Variants in HFM1 observed in about 807,000 individuals in gnomAD.
The protein encoded by HFM1 is probable ATP-dependent DNA helicase HFM1.
Under a neutral mutation model 192.1 loss-of-function variants are expected in HFM1, and 169 were observed. That is an observed-to-expected ratio of 0.88 (90% confidence interval 0.78 to 1.00). The LOEUF is 1.00. HFM1 is among the 50% of genes least tolerant of loss of function. HFM1 has a pLI of 0.00. For synonymous variants in HFM1, 525 were observed against 537.8 expected (o/e 0.98, Z 0.33); for missense variants, 1,661 against 1,668.0 (o/e 1.00, Z 0.07).
In HFM1 at chr1:91,296,513, T is replaced by A. The variant is rs1025065065; in HGVS notation, c.3391+16836A>T. 2.4e-4 allele frequency among the ~76,000 whole-genome samples: 36 copies of A among 152,088 alleles called. 1 individual carries two copies. Among genetic ancestry groups the A allele is most frequent in the African/African-American group, 8.7e-4 (36 of 41,396 alleles). On this transcript the variant is annotated intron_variant, in intron 30 of 38. Coordinates refer to ENST00000370425, the MANE Select transcript of HFM1 (RefSeq NM_001017975.6). The stretch of plus-strand genomic sequence containing the variant: ...ACTACCCTGTCCTTTTGAATTTTCA[T>A]ATGAATTTTATAATTAGCTGGTTAT...
Position 91,373,442 on chromosome 1 carries a change from A to G in HFM1, c.1685+1916T>C, listed in dbSNP as rs144321052. The stretch of plus-strand genomic sequence containing the variant: ...ATAAGTTAATGTTCATTACATAGTA[A>G]TCATGTGCTAGCACTCTGCTGAGAC... On this transcript the variant is annotated intron_variant, in intron 13 of 38. Coordinates refer to ENST00000370425, the MANE Select transcript of HFM1 (RefSeq NM_001017975.6). Among the ~76,000 whole-genome samples the G allele has an allele frequency of 4.3e-3, 658 of 152,222 alleles. 3 individuals carry two copies. Among genetic ancestry groups the G allele is most frequent in the African/African-American group, 0.015 (617 of 41,540 alleles).
intron 30 of HFM1, among the ~76,000 whole-genome samples, chr1:91,279,761 G>A (rs111466822): frequency 9.3e-4 from 141 of 152,224 alleles, no homozygotes; most frequent in Non-Finnish European, 1.5e-3. Context: ...TGGCACCTCT[G>A]GGTTGGAGGT....
intron 1 of HFM1, among the ~76,000 whole-genome samples, chr1:91,402,204 T>C (rs569453932): frequency 2.0e-5 from 3 of 152,264 alleles, no homozygotes; most frequent in Admixed American, 6.5e-5. Context: ...CTCTCCAATT[T>C]TGAATCCTCC....
intron 11 of HFM1, among the ~76,000 whole-genome samples, chr1:91,376,925 A>G (rs1660974162): frequency 6.6e-6 from 1 of 151,822 alleles, no homozygotes; most frequent in Non-Finnish European, 1.5e-5. Flanking sequence ...CATCCTAAGG[A>G]AATAATCATG....
chr1:91,373,287 A>T (rs1169254785), intron 13 of HFM1, among the ~76,000 whole-genome samples: 1 of 152,062 alleles, frequency 6.6e-6, no homozygotes, highest in Non-Finnish European at 1.5e-5. Flanking sequence ...AAGCGGAGAG[A>T]AGTATATTCC....
intron 13 of HFM1, among the ~76,000 whole-genome samples, chr1:91,370,407 TC>T (rs1420050144): frequency 2.0e-5 from 3 of 152,216 alleles, no homozygotes; most frequent in African/African-American, 7.2e-5. Context: ...CAAGTGGGCT[TC>T]ATCCCTGGGA....
At chr1:91,272,832 G>A (rs1666445309) in intron 34 of HFM1, among the ~76,000 whole-genome samples, 1 of 151,280 alleles carries the variant, frequency 6.6e-6, no homozygotes, top group Non-Finnish European at 1.5e-5. Flanking sequence ...CTTAAATTAT[G>A]ACTAGAGGAA....
chr1:91,333,895 A>C (rs566587815), intron 20 of HFM1, among the ~76,000 whole-genome samples: 2 of 152,340 alleles, frequency 1.3e-5, no homozygotes, highest in Non-Finnish European at 2.9e-5. Flanking sequence ...CTACATGCTA[A>C]GTACCTAGAC....
intron 30 of HFM1, among the ~76,000 whole-genome samples, chr1:91,297,974 A>G (rs927479758): frequency 6.6e-6 from 1 of 152,210 alleles, no homozygotes; most frequent in Non-Finnish European, 1.5e-5. Flanking sequence ...AAGGCTTCAG[A>G]TGATCCAACT....
intron 20 of HFM1, among the ~76,000 whole-genome samples, chr1:91,335,658 G>T (rs953633071): frequency 5.9e-5 from 9 of 152,112 alleles, no homozygotes; most frequent in African/African-American, 2.2e-4. Context: ...AGGAAATTCA[G>T]GATATTTCAA....
intron 28 of HFM1, among the ~76,000 whole-genome samples, 161 bp from the exon 29 acceptor site, chr1:91,314,221 T>C (rs1650882464): frequency 6.6e-6 from 1 of 152,198 alleles, no homozygotes. Context: ...GAATAAAGTA[T>C]CAATGGAACT....
intron 30 of HFM1, among the ~76,000 whole-genome samples, chr1:91,309,355 G>A (rs929059453): frequency 6.6e-6 from 1 of 152,166 alleles, no homozygotes; most frequent in Non-Finnish European, 1.5e-5. Context: ...TTTAGTTACA[G>A]AGCCATGTAA....
chr1:91,381,059 T>C (rs1571186329), intron 6 of HFM1, 77 bp from the exon 7 acceptor site: 5 of 699,736 alleles, frequency 7.1e-6, no homozygotes, highest in South Asian at 4.9e-5. Flanking sequence ...TAAGTTACAT[T>C]AATATAGATT....
At chr1:91,378,331 A>G in intron 10 of HFM1, 72 bp downstream of exon 10, 1 of 1,345,538 alleles carries the variant, frequency 7.4e-7, no homozygotes, top group South Asian at 1.3e-5. Context: ...TTTGGTTGCA[A>G]TGTCTTTTTT....
intron 13 of HFM1, among the ~76,000 whole-genome samples, chr1:91,364,619 TA>T (rs1658994312): frequency 3.1e-5 from 1 of 31,796 alleles, no homozygotes; most frequent in Non-Finnish European, 7.0e-5. Context: ...TATATATATA[TA>T]TATATATATA....
At chr1:91,345,159 T>C (rs971283094) in intron 19 of HFM1, among the ~76,000 whole-genome samples, 4 of 152,128 alleles carry the variant, frequency 2.6e-5, no homozygotes, top group African/African-American at 9.7e-5. Flanking sequence ...AACAACAACA[T>C]CATAGAATCA....
chr1:91,286,933 G>A (rs1301921025), intron 30 of HFM1, among the ~76,000 whole-genome samples: 10 of 152,178 alleles, frequency 6.6e-5, no homozygotes, highest in Admixed American at 2.6e-4. Context: ...ACTCCCACCC[G>A]AATACTGCGC....
At chr1:91,273,843 T>A in intron 33 of HFM1, 28 bp from the exon 34 acceptor site, 2 of 1,201,758 alleles carry the variant, frequency 1.7e-6, no homozygotes, top group South Asian at 2.6e-5. Flanking sequence ...CATGAAAATG[T>A]TAAAGAAAAT....
Position 91,375,401 on chromosome 1 carries a change from C to A in HFM1, c.1642G>T (p.Val548Leu), listed in dbSNP as rs1313476457. 3 of 1,613,026 alleles carry A rather than the reference C, an allele frequency of 1.9e-6. No individual in the cohort carries two copies. Among genetic ancestry groups the A allele is most frequent in the Non-Finnish European group, 2.5e-6 (3 of 1,179,356 alleles). Residue 548 changes from valine to leucine, a missense_variant, in exon 13 of 39, where the codon GTG (valine) becomes TTG (leucine). Transcript: ENST00000370425. Reference protein sequence around the residue: ...KGVQQAASVLVKDAKFIMTVE... With the variant: ...KGVQQAASVLLKDAKFIMTVE... ...GTCATAATAAATTTAGCATCTTTCA[C>A]AAGAACAGAAGCAGCCTGTTGCACA...
Sources: allele counts gnomAD v4.1 joint callset (sites outside exome capture counted in the v4.1 genomes callset), GRCh38; gene constraint gnomAD v4.1.1; transcripts MANE v1.5; gene names NCBI Gene and HGNC (gene_info 2026-07-23, HGNC 2026-07-21).